ITGA9: variants seen among roughly 807,000 people sequenced by gnomAD.
ITGA9 encodes the protein integrin alpha-9.
In ITGA9, 56 loss-of-function variants were observed where a neutral mutation model predicts 127.8. The ratio of observed to expected loss-of-function variants is 0.44; its 90% CI spans 0.35 to 0.55. The LOEUF (loss-of-function observed/expected upper bound fraction) is 0.55, where lower values mean the gene tolerates loss of function less well. Among genes scored for constraint, ITGA9 ranks in the 20% least tolerant of loss-of-function variants. The pLI is 0.00. For synonymous variants in ITGA9, 508 were observed against 514.5 expected (o/e 0.99, Z 0.17); for missense variants, 1,196 against 1,347.1 (o/e 0.89, Z 1.76).
At chr3:37,617,769 T>TG (rs1700089250) in intron 15 of ITGA9, among the ~76,000 whole-genome samples, 1 of 152,264 alleles carries the variant, frequency 6.6e-6, no homozygotes, top group Admixed American at 6.5e-5. Flanking sequence ...TACTGAGGCT[T>TG]GGGCATTCGT....
chr3:37,584,891 C>T (rs1559542414), intron 15 of ITGA9, among the ~76,000 whole-genome samples: 1 of 152,156 alleles, frequency 6.6e-6, no homozygotes, highest in African/African-American at 2.4e-5. Context: ...TACTTCCCCT[C>T]TCCAGATCCA....
chr3:37,708,311 G>C (rs376768525), intron 18 of ITGA9, among the ~76,000 whole-genome samples: 9 of 152,168 alleles, frequency 5.9e-5, no homozygotes, highest in African/African-American at 1.9e-4. Flanking sequence ...TCTAGGCCTG[G>C]AACAGACAGC....
At chr3:37,783,413 C>T (rs1697001914) in intron 25 of ITGA9, among the ~76,000 whole-genome samples, 1 of 152,182 alleles carries the variant, frequency 6.6e-6, no homozygotes, top group African/African-American at 2.4e-5. Flanking sequence ...TCAATCATAG[C>T]TCACTGCAGC....
At position 37,786,806 on chromosome 3, in the gene ITGA9, C is replaced by G. The variant is rs149984861; in HGVS notation, c.2889+1728C>G. On this transcript the variant is annotated intron_variant, in intron 26 of 27. Transcript: ENST00000264741. ...TTCCATGCAGACTTTTATGCTCTAC[C>G]CACAAGATAAGTTGTCCAAGCACTA... Among the ~76,000 whole-genome samples the G allele has an allele frequency of 3.0e-4, 45 of 152,242 alleles. No individual in the cohort carries two copies. In the East Asian group the frequency reaches 7.9e-3, roughly 27 times the overall value.
At chr3:37,582,729 G>T (rs961153139) in intron 15 of ITGA9, among the ~76,000 whole-genome samples, 1 of 152,166 alleles carries the variant, frequency 6.6e-6, no homozygotes, top group African/African-American at 2.4e-5. Flanking sequence ...ATAACAGTGT[G>T]ACTTCTCCAA....
chr3:37,611,901 G>A (rs745781850), intron 15 of ITGA9, among the ~76,000 whole-genome samples: 12 of 152,018 alleles, frequency 7.9e-5, no homozygotes, highest in Non-Finnish European at 1.8e-4. Flanking sequence ...GGGCTCACAC[G>A]GGGAAACAGA....
chr3:37,615,952 GTCTC>G (rs1214244638), intron 15 of ITGA9, among the ~76,000 whole-genome samples: 1 of 151,796 alleles, frequency 6.6e-6, no homozygotes. Flanking sequence ...GGTTTTTTGT[GTCTC>G]TGTTTCCTTC....
chr3:37,690,353 A>G (rs559131630), intron 18 of ITGA9, among the ~76,000 whole-genome samples: 2 of 152,202 alleles, frequency 1.3e-5, no homozygotes, highest in East Asian at 3.9e-4. Context: ...CATTTTAGAA[A>G]TCTGATGCCT....
intron 15 of ITGA9, among the ~76,000 whole-genome samples, chr3:37,614,843 T>G (rs1407581371): frequency 6.6e-6 from 1 of 152,218 alleles, no homozygotes; most frequent in Non-Finnish European, 1.5e-5. Context: ...TGAAGTTGCT[T>G]ATCAGCTTAA....
chr3:37,584,570 C>T (rs2105532), intron 15 of ITGA9, among the ~76,000 whole-genome samples: 96,739 of 151,718 alleles, frequency 0.64, 31,181 homozygotes, highest in East Asian at 0.74. Context: ...TCCTGGCCAA[C>T]GCGATGAAAC....
intron 23 of ITGA9, among the ~76,000 whole-genome samples, chr3:37,771,814 T>G (rs1696847509): frequency 6.6e-6 from 1 of 152,126 alleles, no homozygotes; most frequent in Non-Finnish European, 1.5e-5. Flanking sequence ...TCATTTTTTT[T>G]TGCTACAGTG....
At chr3:37,607,286 G>A (rs183607693) in intron 15 of ITGA9, among the ~76,000 whole-genome samples, 1 of 152,270 alleles carries the variant, frequency 6.6e-6, no homozygotes, top group African/African-American at 2.4e-5. Flanking sequence ...CCTATCTCAG[G>A]AGGATGCTTG....
intron 3 of ITGA9, among the ~76,000 whole-genome samples, chr3:37,477,147 G>A (rs566443890): frequency 7.2e-5 from 11 of 152,174 alleles, no homozygotes; most frequent in African/African-American, 2.6e-4. Flanking sequence ...TTTCTGGGAG[G>A]CAAGTATTTA....
At chr3:37,666,643 G>C (rs1416306864) in intron 17 of ITGA9, among the ~76,000 whole-genome samples, 1 of 152,216 alleles carries the variant, frequency 6.6e-6, no homozygotes, top group East Asian at 1.9e-4. Flanking sequence ...CAGTGCACTA[G>C]ACCTCATGAG....
chr3:37,526,554 G>A (rs925829510), intron 13 of ITGA9, among the ~76,000 whole-genome samples: 3 of 152,224 alleles, frequency 2.0e-5, no homozygotes, highest in South Asian at 2.1e-4. Flanking sequence ...TAGACAGCAC[G>A]TCATTCCCTG....
At chr3:37,455,276 G>C (rs1698244434) in intron 1 of ITGA9, among the ~76,000 whole-genome samples, 1 of 152,200 alleles carries the variant, frequency 6.6e-6, no homozygotes, top group Admixed American at 6.5e-5. Context: ...AACAGCAGCA[G>C]GGGTAAACAA....
intron 10 of ITGA9, 45 bp downstream of exon 10, chr3:37,517,654 C>A: frequency 7.3e-7 from 1 of 1,365,954 alleles, no homozygotes; most frequent in Non-Finnish European, 1.0e-6. Flanking sequence ...AGGTGCAGCA[C>A]GCTGCTCTGT....
intron 26 of ITGA9, among the ~76,000 whole-genome samples, chr3:37,787,672 G>C (rs1165979318): frequency 6.6e-6 from 1 of 152,110 alleles, no homozygotes; most frequent in Non-Finnish European, 1.5e-5. Context: ...TGCCTTTTTA[G>C]AACAAACACG....
chr3:37,574,922 C>T (rs1334050444), intron 15 of ITGA9, among the ~76,000 whole-genome samples: 5 of 152,280 alleles, frequency 3.3e-5, no homozygotes, highest in African/African-American at 1.2e-4. Flanking sequence ...TCAGAACCTT[C>T]CAGAAGACCC....
Sources: gnomAD v4.1 joint callset for allele counts (sites outside exome capture counted in the v4.1 genomes callset) on GRCh38, gnomAD v4.1.1 for gene constraint, MANE v1.5 for transcripts, NCBI Gene and HGNC (gene_info 2026-07-23, HGNC 2026-07-21) for gene names.